Variants in GRB2 observed in about 807,000 individuals in gnomAD.
GRB2 encodes growth factor receptor-bound protein 2.
Under a neutral mutation model 27.4 loss-of-function variants are expected in GRB2, and 2 were observed. The ratio of observed to expected loss-of-function variants is 0.07; its 90% CI spans 0.03 to 0.23. The LOEUF (loss-of-function observed/expected upper bound fraction) is 0.23, where lower values mean the gene tolerates loss of function less well. Among genes scored for constraint, GRB2 ranks in the 10% least tolerant of loss-of-function variants. The pLI is 1.00. For synonymous variants in GRB2, 94 were observed against 99.6 expected, an observed-to-expected ratio of 0.94 and a Z score of 0.33; for missense variants, 102 against 282.4, an observed-to-expected ratio of 0.36 and a Z score of 4.58.
chr17:75,353,514 G>A (rs1469206541), intron 2 of GRB2, among the ~76,000 whole-genome samples: 1 of 151,980 alleles, frequency 6.6e-6, no homozygotes, highest in Non-Finnish European at 1.5e-5. Context: ...TGTAATTCCA[G>A]CACTTTGGGA....
At chr17:75,332,834 T>C in intron 2 of GRB2, 37 bp from the exon 3 acceptor site, 2 of 1,310,048 alleles carry the variant, frequency 1.5e-6, no homozygotes, top group Non-Finnish European at 2.2e-6. Flanking sequence ...ACCCAATCAT[T>C]TCCTTTTCCC....
At chr17:75,356,382 C>A (rs978790495) in intron 2 of GRB2, among the ~76,000 whole-genome samples, 2 of 151,980 alleles carry the variant, frequency 1.3e-5, no homozygotes, top group Non-Finnish European at 2.9e-5. Context: ...GTGGTGTGTA[C>A]CTGTGGTCCC....
At chr17:75,328,590 C>G (rs1269329217) in intron 3 of GRB2, among the ~76,000 whole-genome samples, 1 of 151,720 alleles carries the variant, frequency 6.6e-6, no homozygotes, top group Non-Finnish European at 1.5e-5. Context: ...TGCGGTGAGC[C>G]GAGATCGTGC....
At chr17:75,338,192 G>A (rs1007802700) in intron 2 of GRB2, among the ~76,000 whole-genome samples, 1 of 151,942 alleles carries the variant, frequency 6.6e-6, no homozygotes, top group African/African-American at 2.4e-5. Context: ...GGCCTCCTGA[G>A]TAGCTAGGAT....
chr17:75,323,963 C>A (rs1002046607), intron 4 of GRB2, among the ~76,000 whole-genome samples: 3 of 152,014 alleles, frequency 2.0e-5, no homozygotes, highest in African/African-American at 7.3e-5. Context: ...GCATGTGCCA[C>A]CACGCCTGGC....
In GRB2 at chr17:75,342,475, G is replaced by GCC. The variant is rs369547025; in HGVS notation, c.79-9680_79-9679dup. ...ATTGAGACGAGGGTCTTCATATGAT[G>GCC]CCCCGGCTGTTCTCCAATTCCTAGG... On this transcript the variant is annotated intron_variant, in intron 2 of 5. Transcript: ENST00000316804. Among the ~76,000 whole-genome samples the GCC allele has an allele frequency of 6.6e-3, 1,007 of 152,130 alleles. 9 individuals are homozygous for GCC. Among genetic ancestry groups the GCC allele is most frequent in the Non-Finnish European group, 0.011 (777 of 67,988 alleles).
intron 2 of GRB2, among the ~76,000 whole-genome samples, chr17:75,387,141 A>AGGGACAGAGCGAGACTCCATCTCT (rs2078969247): frequency 1.3e-5 from 2 of 151,044 alleles, no homozygotes; most frequent in Non-Finnish European, 3.0e-5. Flanking sequence ...ATCCAGCCTG[A>AGGGACAGAGCGAGACTCCATCTCT]GGGACAGAGC....
intron 2 of GRB2, among the ~76,000 whole-genome samples, chr17:75,384,394 C>T (rs1479740612): frequency 6.6e-6 from 1 of 152,148 alleles, no homozygotes; most frequent in African/African-American, 2.4e-5. Context: ...GATAGCTGGG[C>T]ATGGTGGCTC....
At chr17:75,340,275 G>C (rs1344261213) in intron 2 of GRB2, among the ~76,000 whole-genome samples, 8 of 152,158 alleles carry the variant, frequency 5.3e-5, no homozygotes, top group Non-Finnish European at 4.4e-5. Flanking sequence ...ACATTTTAAA[G>C]CTCTTAACAC....
Position 75,388,247 on chromosome 17 carries a change from C to T in GRB2, c.78+5304G>A, listed in dbSNP as rs950102437. Reference sequence around the variant, plus strand: ...GAGTAGCTGGGATTACAGGTACGCACGCGCACCACCGGGCCCGGCTGTTTT... The same window carrying T: ...GAGTAGCTGGGATTACAGGTACGCATGCGCACCACCGGGCCCGGCTGTTTT... On this transcript the variant is annotated intron_variant, in intron 2 of 5. Coordinates refer to ENST00000316804, the MANE Select transcript of GRB2 (RefSeq NM_002086.5). Among the ~76,000 whole-genome samples the T allele has an allele frequency of 8.5e-5, 13 of 152,078 alleles. No individual in the cohort carries two copies. The East Asian group carries it at 1.9e-3, about 23-fold the overall frequency.
intron 4 of GRB2, among the ~76,000 whole-genome samples, chr17:75,324,586 C>T (rs1222079562): frequency 1.4e-5 from 2 of 144,936 alleles, no homozygotes; most frequent in East Asian, 2.0e-4. Flanking sequence ...GGCGCCATCT[C>T]GCCTCACTAC....
rs149104483 is a variant in GRB2, at chr17:75,364,548, C to A, written c.78+29003G>T. 3.1e-3 allele frequency among the ~76,000 whole-genome samples: 468 copies of A among 152,122 alleles called. 5 individuals carry two copies. The highest frequency in any genetic ancestry group is 0.011 in the African/African-American group (452 of 41,506). On this transcript the variant is annotated intron_variant, in intron 2 of 5. Transcript: ENST00000316804. ...GATCGGAACCCAGGTCTGACCAATT[C>A]CAGAGTCCATGTCTGTAACCACTAT...
At chr17:75,321,863 G>A in intron 4 of GRB2, 36 bp from the exon 5 acceptor site, 1 of 1,605,712 alleles carries the variant, frequency 6.2e-7, no homozygotes, top group Non-Finnish European at 8.5e-7. Context: ...ACCGGCTAAA[G>A]GCTCTAACTT....
intron 2 of GRB2, among the ~76,000 whole-genome samples, chr17:75,361,116 A>G (rs933987080): frequency 3.9e-5 from 6 of 152,116 alleles, no homozygotes. Context: ...TACCTGTTAC[A>G]CTTCCTTCCT....
chr17:75,367,000 C>T (rs1334899272), intron 2 of GRB2, among the ~76,000 whole-genome samples: 4 of 152,204 alleles, frequency 2.6e-5, no homozygotes, highest in Admixed American at 1.3e-4. Context: ...GGCTTCAGTA[C>T]ATGAGGGTCT....
rs61039194 is a variant in GRB2, at chr17:75,341,447, TAA to T, written c.79-8652_79-8651del. Reference sequence around the variant, plus strand: ...AGCCTGGGTGACAGAGTGACTCCATTAAAAAAAAAAAAAAAAAAAAAACACAA... The same window carrying T: ...AGCCTGGGTGACAGAGTGACTCCATTAAAAAAAAAAAAAAAAAAAACACAA... On this transcript the variant is annotated intron_variant, in intron 2 of 5. Coordinates refer to ENST00000316804, the MANE Select transcript of GRB2 (RefSeq NM_002086.5). 7.8e-3 allele frequency among the ~76,000 whole-genome samples: 863 copies of T among 110,232 alleles called. 5 individuals are homozygous for T. Among genetic ancestry groups the T allele is most frequent in the African/African-American group, 0.022 (565 of 26,190 alleles). The allele number at this position is 110,232 out of a possible 152,430, so 72.3% of individuals were successfully genotyped here. A position where few individuals can be genotyped will look rare whatever the true frequency, so the allele number is the denominator to read the frequency against.
At chr17:75,378,757 T>G (rs998990774) in intron 2 of GRB2, among the ~76,000 whole-genome samples, 1 of 152,180 alleles carries the variant, frequency 6.6e-6, no homozygotes, top group Non-Finnish European at 1.5e-5. Flanking sequence ...AACCTAAGTA[T>G]AGAAGGAGAC....
intron 2 of GRB2, among the ~76,000 whole-genome samples, chr17:75,378,570 C>A (rs537951763): frequency 6.6e-5 from 10 of 152,168 alleles, no homozygotes; most frequent in Non-Finnish European, 1.3e-4. Flanking sequence ...ACAACACTAA[C>A]AAACTCATAG....
intron 2 of GRB2, among the ~76,000 whole-genome samples, chr17:75,362,469 G>A (rs1287320900): frequency 2.6e-5 from 4 of 152,124 alleles, no homozygotes; most frequent in East Asian, 1.9e-4. Flanking sequence ...CAGAACACAC[G>A]TAAGTCAGAA....
Sources: allele counts gnomAD v4.1 joint callset (sites outside exome capture counted in the v4.1 genomes callset), GRCh38; gene constraint gnomAD v4.1.1; transcripts MANE v1.5; gene names NCBI Gene and HGNC (gene_info 2026-07-23, HGNC 2026-07-21).